Variants in RAMP2 observed in about 807,000 individuals in gnomAD.
The protein encoded by RAMP2 is receptor activity modifying protein 2.
In RAMP2, 11 loss-of-function variants were observed where a neutral mutation model predicts 18.2. The observed-to-expected ratio is 0.60, with a 90% CI of 0.38 to 1.00. The LOEUF (loss-of-function observed/expected upper bound fraction) is 1.00, where lower values mean the gene tolerates loss of function less well. RAMP2 is among the 50% of genes least tolerant of loss of function. The pLI is 0.01. For synonymous variants in RAMP2, 86 were observed against 90.8 expected, an observed-to-expected ratio of 0.95 and a Z score of 0.30; for missense variants, 191 against 226.5, an observed-to-expected ratio of 0.84 and a Z score of 1.01.
In RAMP2 at chr17:42,762,713, A is replaced by G. The variant is rs751383102; in HGVS notation, c.389A>G (p.Asn130Ser). The change falls in exon 4 of 4, where the codon AAC becomes AGC. Residue 130 changes from asparagine (N) to serine (S), a missense_variant. Asn to Ser is a conservative substitution (Grantham distance 46). Transcript: ENST00000253796. The stretch of plus-strand genomic sequence containing the variant: ...GAGACTCACCAGATCCACTTTGCCA[A>G]CTGCTCCCTGGTGCAGCCCACCTTC... Reference protein sequence around the residue: ...IFETHQIHFANCSLVQPTFSD... With the variant: ...IFETHQIHFASCSLVQPTFSD... The G allele has an allele frequency of 1.2e-5, 20 of 1,613,924 alleles. No homozygotes were observed. The highest frequency in any genetic ancestry group is 6.7e-5 in the Admixed American group (4 of 59,980).
rs1442191793 is a variant in RAMP2 at position 42,762,000 on chromosome 17, G to C, written c.163+101G>C. 4 of 1,110,514 alleles carry C rather than the reference G, an allele frequency of 3.6e-6. No individual in the cohort carries two copies. The highest frequency in any genetic ancestry group is 5.3e-6 in the Non-Finnish European group (4 of 754,466). The allele number at this position is 1,110,514 out of a possible 1,614,324, so 68.8% of individuals were successfully genotyped here. A position where few individuals can be genotyped will look rare whatever the true frequency, so the allele number is the denominator to read the frequency against. On this transcript the variant is annotated intron_variant, in intron 2 of 3. Transcript: ENST00000253796. The surrounding 1 kb of genome is among the most constrained non-coding windows in gnomAD (Gnocchi z 4.2). ...CGAGGCCTGCCCAACCCCAGCTGAT[G>C]CCCCACTACACTCCCCTCTGTTCTT...
At chr17:42,762,307 G>A in intron 2 of RAMP2, 48 bp from the exon 3 acceptor site, 1 of 1,612,898 alleles carries the variant, frequency 6.2e-7, no homozygotes, top group East Asian at 2.2e-5. Context: ...AGGAGGGTTT[G>A]TAGGGAGGGG....
At position 42,761,858 on chromosome 17, in the gene RAMP2, T is replaced by A. The variant is rs763622351; in HGVS notation, c.122T>A (p.Leu41Gln). Residue 41 changes from leucine (L) to glutamine (Q), a missense_variant, in exon 2 of 4, where the codon CTG (leucine) becomes CAG (glutamine). Leu to Gln is a moderately radical substitution (Grantham distance 113). Coordinates refer to ENST00000253796, the MANE Select transcript of RAMP2 (RefSeq NM_005854.3). The surrounding 1 kb of genome is among the most constrained non-coding windows in gnomAD (Gnocchi z 4.2). Reference sequence around the variant, plus strand: ...GCTGTCCTGAATCCCCACGAGGCCCTGGCTCAGCCTCTTCCCACCACAGGC... The same window carrying A: ...GCTGTCCTGAATCCCCACGAGGCCCAGGCTCAGCCTCTTCCCACCACAGGC... ...LGAVLNPHEA[L>Q]AQPLPTTGTP... The A allele has an allele frequency of 6.3e-7, 1 of 1,594,016 alleles. No homozygotes were observed. Among genetic ancestry groups the A allele is most frequent in the East Asian group, 2.2e-5 (1 of 44,748 alleles).
chr17:42,761,877 C>T lies in RAMP2; in HGVS notation c.141C>T (p.Thr47=), dbSNP rs1337787650. The T allele has an allele frequency of 5.7e-6, 9 of 1,589,024 alleles. No homozygotes were observed. Among genetic ancestry groups the T allele is most frequent in the South Asian group, 1.1e-5 (1 of 90,464 alleles). ...AGGCCCTGGCTCAGCCTCTTCCCAC[C>T]ACAGGCACACCAGGGTCAGAAGGTG... is the stretch of plus-strand genomic sequence containing the variant. The part of the protein sequence containing the change: ...PHEALAQPLP[T]TGTPGSEGGT... Residue 47 remains threonine, a synonymous_variant, in exon 2 of 4, where the codon ACC becomes ACT. Coordinates refer to ENST00000253796, the MANE Select transcript of RAMP2 (RefSeq NM_005854.3). This position sits in a 1 kb window ranked among gnomAD's most constrained non-coding sequence, Gnocchi z 4.2.
At chr17:42,762,250 G>T in intron 2 of RAMP2, 105 bp from the exon 3 acceptor site, 1 of 1,547,608 alleles carries the variant, frequency 6.5e-7, no homozygotes, top group Admixed American at 1.7e-5. Flanking sequence ...CTTTCTGAAG[G>T]GTTCCCACGT....
Position 42,762,447 on chromosome 17 carries a change from T to G in RAMP2, c.256T>G (p.Trp86Gly). The stretch of plus-strand genomic sequence containing the variant: ...TCCTATCGAAAAGGATTGGTGCGAC[T>G]GGGCCATGATTAGCAGGTAGGGGCA... ...MDPIEKDWCDWAMISRPYSTL... is the reference protein window; with the variant it reads ...MDPIEKDWCDGAMISRPYSTL... The change falls in exon 3 of 4, where the codon TGG (tryptophan) becomes GGG (glycine). Residue 86 changes from tryptophan (W) to glycine (G), a missense_variant. Coordinates refer to ENST00000253796, the MANE Select transcript of RAMP2 (RefSeq NM_005854.3). 1 of 1,614,072 alleles carries G rather than the reference T, an allele frequency of 6.2e-7. No individual in the cohort carries two copies. The highest frequency in any genetic ancestry group is 2.2e-5 in the East Asian group (1 of 44,876).
At chr17:42,762,002 C>A in intron 2 of RAMP2, 103 bp downstream of exon 2, 1 of 1,080,050 alleles carries the variant, frequency 9.3e-7, no homozygotes, top group Non-Finnish European at 1.4e-6. Flanking sequence ...CAGCTGATGC[C>A]CCACTACACT....
In RAMP2 at chr17:42,762,387, C is replaced by T. The variant is rs2054371015; in HGVS notation, c.196C>T (p.Gln66Ter). 6.2e-7 allele frequency: 1 copy of T among 1,613,908 alleles called. No individual in the cohort carries two copies. Among genetic ancestry groups the T allele is most frequent in the Non-Finnish European group, 8.5e-7 (1 of 1,179,990 alleles). The change falls in exon 3 of 4, where the codon CAA (glutamine) becomes TAA (stop). Residue 66 changes from glutamine to a stop codon, truncating the protein, a stop_gained. Coordinates refer to ENST00000253796, the MANE Select transcript of RAMP2 (RefSeq NM_005854.3). LOFTEE classifies it high-confidence loss of function. The part of the protein sequence containing the change: ...GTVKNYETAV[Q>*]FCWNHYKDQM... ...GGTGAAGAACTATGAGACAGCTGTCCAATTTTGCTGGAATCATTATAAGGA... is the reference window on the plus strand; with the variant it reads ...GGTGAAGAACTATGAGACAGCTGTCTAATTTTGCTGGAATCATTATAAGGA...
rs748128733 is a variant in RAMP2, at chr17:42,761,429, G to A, written c.97+71G>A. The A allele has an allele frequency of 1.5e-5, 18 of 1,188,148 alleles. No individual in the cohort carries two copies. The highest frequency in any genetic ancestry group is 9.7e-5 in the African/African-American group (6 of 61,784). The allele number at this position is 1,188,148 out of a possible 1,614,324, so 73.6% of individuals were successfully genotyped here. A position where few individuals can be genotyped will look rare whatever the true frequency, so the allele number is the denominator to read the frequency against. On this transcript the variant is annotated intron_variant, in intron 1 of 3. Transcript: ENST00000253796. This position sits in a 1 kb window ranked among gnomAD's most constrained non-coding sequence, Gnocchi z 4.2. ...CGGAGGGGAGAGGGGAGAGGGGAGA[G>A]GGGCTGGATGGCCGAGGCCGGAACG... is the stretch of plus-strand genomic sequence containing the variant.
chr17:42,761,937 G>A lies in RAMP2; in HGVS notation c.163+38G>A. ...GGTGTGGAAGGGTGGCCGAGGGTAA[G>A]GACGAGAGCAAGTTCAGTGGGGAGG... On this transcript the variant is annotated intron_variant, in intron 2 of 3. Transcript: ENST00000253796. This position sits in a 1 kb window ranked among gnomAD's most constrained non-coding sequence, Gnocchi z 4.2. 1 of 1,513,194 alleles carries A rather than the reference G, an allele frequency of 6.6e-7. No homozygotes were observed. Among genetic ancestry groups the A allele is most frequent in the Non-Finnish European group, 9.1e-7 (1 of 1,094,466 alleles). The allele number at this position is 1,513,194 out of a possible 1,614,324, so 93.7% of individuals were successfully genotyped here.
chr17:42,762,876 C>T lies in RAMP2; in HGVS notation c.*24C>T. ...AGGGGGCCACGAGCTTCTCAACAACCATGTTACTCCACTTCCCCACCCCCA... is the reference window on the plus strand; with the variant it reads ...AGGGGGCCACGAGCTTCTCAACAACTATGTTACTCCACTTCCCCACCCCCA... On this transcript the variant is annotated 3_prime_UTR_variant, in exon 4 of 4. Transcript: ENST00000253796. 6.4e-7 allele frequency: 1 copy of T among 1,557,536 alleles called. No homozygotes were observed. The highest frequency in any genetic ancestry group is 1.2e-5 in the South Asian group (1 of 82,818).
In RAMP2 at chr17:42,761,231, C is replaced by T. The variant is rs1260649452; in HGVS notation, c.-31C>T. ...CCCCACACCCGGGCCCGGCTCAGCG[C>T]CGCCGCCGCTCCTCGCCTCCTTGCT... On this transcript the variant is annotated 5_prime_UTR_variant, in exon 1 of 4. Coordinates refer to ENST00000253796, the MANE Select transcript of RAMP2 (RefSeq NM_005854.3). The surrounding 1 kb of genome is among the most constrained non-coding windows in gnomAD (Gnocchi z 4.2). The T allele has an allele frequency of 7.0e-7, 1 of 1,418,540 alleles. No individual in the cohort carries two copies. Among genetic ancestry groups the T allele is most frequent in the Admixed American group, 2.5e-5 (1 of 40,012 alleles). 87.9% of individuals were successfully genotyped at this position (1,418,540 alleles called of 1,614,324 possible).
In RAMP2 at chr17:42,761,338, GCCT is replaced by G. The variant is rs1457486630; in HGVS notation, c.87_89del (p.Leu31del). On this transcript the variant is annotated inframe_deletion, in exon 1 of 4. Transcript: ENST00000253796. The surrounding 1 kb of genome is among the most constrained non-coding windows in gnomAD (Gnocchi z 4.2). The stretch of plus-strand genomic sequence containing the variant: ...CGAGTCGGGCGGCCGGCAGCGCTCC[GCCT>G]CCTCCTCCTGCTGGGCGGTGAGCGC... The G allele has an allele frequency of 2.9e-6, 4 of 1,359,878 alleles. No individual in the cohort carries two copies. The highest frequency in any genetic ancestry group is 3.1e-5 in the East Asian group (1 of 32,560). The allele number at this position is 1,359,878 out of a possible 1,614,324, so 84.2% of individuals were successfully genotyped here.
Position 42,761,346 on chromosome 17 carries a change from C to A in RAMP2, c.85C>A (p.Leu29Ile). The A allele has an allele frequency of 7.4e-7, 1 of 1,353,974 alleles. No individual in the cohort carries two copies. The highest frequency in any genetic ancestry group is 1.9e-5 in the South Asian group (1 of 53,768). 83.9% of individuals were successfully genotyped at this position (1,353,974 alleles called of 1,614,324 possible). The change falls in exon 1 of 4, where the codon CTC becomes ATC. Residue 29 changes from leucine to isoleucine, a missense_variant. Transcript: ENST00000253796. The surrounding 1 kb of genome is among the most constrained non-coding windows in gnomAD (Gnocchi z 4.2). ...GCGGCCGGCAGCGCTCCGCCTCCTC[C>A]TCCTGCTGGGCGGTGAGCGCGGCGC... ...VGRPAALRLL[L>I]LLGAVLNPHE...
rs369311306 is a variant in RAMP2, at chr17:42,761,940, C to T, written c.163+41C>T. On this transcript the variant is annotated intron_variant, in intron 2 of 3. Coordinates refer to ENST00000253796, the MANE Select transcript of RAMP2 (RefSeq NM_005854.3). The surrounding 1 kb of genome is among the most constrained non-coding windows in gnomAD (Gnocchi z 4.2). ...GTGGAAGGGTGGCCGAGGGTAAGGACGAGAGCAAGTTCAGTGGGGAGGGTT... is the reference window on the plus strand; with the variant it reads ...GTGGAAGGGTGGCCGAGGGTAAGGATGAGAGCAAGTTCAGTGGGGAGGGTT... 20 of 1,506,360 alleles carry T rather than the reference C, an allele frequency of 1.3e-5. No individual in the cohort carries two copies. The highest frequency in any genetic ancestry group is 2.3e-5 in the South Asian group (2 of 86,568). 93.3% of individuals were successfully genotyped at this position (1,506,360 alleles called of 1,614,324 possible). A position where few individuals can be genotyped will look rare whatever the true frequency, so the allele number is the denominator to read the frequency against.
In RAMP2 at chr17:42,761,911, G is replaced by A; in HGVS notation, c.163+12G>A. 1 of 1,549,628 alleles carries A rather than the reference G, an allele frequency of 6.5e-7. No individual in the cohort carries two copies. The highest frequency in any genetic ancestry group is 8.9e-7 in the Non-Finnish European group (1 of 1,122,864). ...ACCAGGGTCAGAAGGTGGGTACCCAGGGTGTGGAAGGGTGGCCGAGGGTAA... is the reference window on the plus strand; with the variant it reads ...ACCAGGGTCAGAAGGTGGGTACCCAAGGTGTGGAAGGGTGGCCGAGGGTAA... On this transcript the variant is annotated intron_variant, in intron 2 of 3. Transcript: ENST00000253796. The surrounding 1 kb of genome is among the most constrained non-coding windows in gnomAD (Gnocchi z 4.2).
rs1398499201 is a variant in RAMP2 at position 42,761,790 on chromosome 17, G to C, written c.98-44G>C. 4.6e-6 allele frequency: 7 copies of C among 1,512,924 alleles called. No individual in the cohort carries two copies. In the South Asian group the frequency reaches 7.9e-5, roughly 17 times the overall value. 93.7% of individuals were successfully genotyped at this position (1,512,924 alleles called of 1,614,324 possible). On this transcript the variant is annotated intron_variant, in intron 1 of 3. Transcript: ENST00000253796. This position sits in a 1 kb window ranked among gnomAD's most constrained non-coding sequence, Gnocchi z 4.2. ...AACCCCCCTCGCAGGCTCCACTGCC[G>C]GGGTCCCCGCTATGTTACCCTCCTC...
rs2054366134 is a variant in RAMP2, at chr17:42,761,757, A to C, written c.98-77A>C. On this transcript the variant is annotated intron_variant, in intron 1 of 3. Coordinates refer to ENST00000253796, the MANE Select transcript of RAMP2 (RefSeq NM_005854.3). This position sits in a 1 kb window ranked among gnomAD's most constrained non-coding sequence, Gnocchi z 4.2. ...AGGTAGCCTATTTTCGGAGGGTCTC[A>C]GTCCCCCAACCCCCCTCGCAGGCTC... 5.5e-6 allele frequency: 7 copies of C among 1,270,880 alleles called. No individual in the cohort carries two copies. Among genetic ancestry groups the C allele is most frequent in the Non-Finnish European group, 8.0e-6 (7 of 876,444 alleles). 78.7% of individuals were successfully genotyped at this position (1,270,880 alleles called of 1,614,324 possible).
Position 42,761,274 on chromosome 17 carries a change from CGGGTGG to C in RAMP2, c.14_19del (p.Arg5_Glu7delinsGln). On this transcript the variant is annotated inframe_deletion, in exon 1 of 4. Coordinates refer to ENST00000253796, the MANE Select transcript of RAMP2 (RefSeq NM_005854.3). This position sits in a 1 kb window ranked among gnomAD's most constrained non-coding sequence, Gnocchi z 4.2. The stretch of plus-strand genomic sequence containing the variant: ...TCCTTGCTGCACGATGGCCTCGCTC[CGGGTGG>C]AGCGCGCCGGCGGCCCGCGTCTCCC... 1 of 1,425,124 alleles carries C rather than the reference CGGGTGG, an allele frequency of 7.0e-7. No homozygotes were observed. Among genetic ancestry groups the C allele is most frequent in the South Asian group, 1.4e-5 (1 of 69,166 alleles). 88.3% of individuals were successfully genotyped at this position (1,425,124 alleles called of 1,614,324 possible).
Sources: allele counts gnomAD v4.1 joint callset, GRCh38; gene constraint gnomAD v4.1.1; non-coding constraint Gnocchi (gnomAD v3.1); transcripts MANE v1.5; gene names NCBI Gene and HGNC (gene_info 2026-07-23, HGNC 2026-07-21).